Variants in TBX10 observed in about 807,000 individuals in gnomAD.
TBX10 encodes T-box transcription factor 10.
Under a neutral mutation model 32.4 loss-of-function variants are expected in TBX10, and 26 were observed. The observed-to-expected ratio is 0.80, with a 90% CI of 0.59 to 1.11. The LOEUF (loss-of-function observed/expected upper bound fraction) is 1.11, where lower values mean the gene tolerates loss of function less well. TBX10 is among the 50% of genes most tolerant of loss of function. The pLI is 0.00. For missense variants in TBX10, 490 were observed against 494.5 expected, an observed-to-expected ratio of 0.99 and a Z score of 0.09; for synonymous variants, 195 against 203.1, an observed-to-expected ratio of 0.96 and a Z score of 0.34.
upstream of TBX10, among the ~76,000 whole-genome samples, chr11:67,640,801 G>C (rs138591774): frequency 5.8e-3 from 877 of 152,292 alleles, 8 homozygotes; most frequent in African/African-American, 0.02. Context: ...CGGCAGGGCT[G>C]CTTCTCCCTG....
upstream of TBX10, among the ~76,000 whole-genome samples, chr11:67,641,377 C>T (rs1038997708): frequency 1.4e-4 from 22 of 152,358 alleles, 1 homozygote; most frequent in South Asian, 1.4e-3. Flanking sequence ...GGCGCACACA[C>T]GTACAGCTTC....
intron 1 of TBX10, among the ~76,000 whole-genome samples, chr11:67,638,159 G>A (rs1855356056): frequency 6.6e-6 from 1 of 151,964 alleles, no homozygotes; most frequent in African/African-American, 2.4e-5. Context: ...AGTGAGACAT[G>A]TTCACACCAC....
intron 1 of TBX10, among the ~76,000 whole-genome samples, chr11:67,636,038 A>C (rs897347648): frequency 2.6e-5 from 4 of 152,000 alleles, no homozygotes; most frequent in Non-Finnish European, 4.4e-5. Context: ...CAGAAAATAA[A>C]AAGTGTTGGT....
intron 1 of TBX10, among the ~76,000 whole-genome samples, chr11:67,638,963 G>T (rs1855368493): frequency 6.6e-6 from 1 of 152,196 alleles, no homozygotes; most frequent in Non-Finnish European, 1.5e-5. Context: ...TTTGCCGGTG[G>T]TCACTGGCTC....
Position 67,632,374 on chromosome 11 carries a change from C to T in TBX10, c.812G>A (p.Arg271Gln), listed in dbSNP as rs146079895. The change falls in exon 7 of 8, where the codon CGG (arginine) becomes CAG (glutamine). Residue 271 changes from arginine (R) to glutamine (Q), a missense_variant. Around this residue, in one of 3 missense-constraint regions of TBX10, gnomAD observed 177 missense variants for 176.6 expected, o/e 1.00. Coordinates refer to ENST00000335385, the MANE Select transcript of TBX10 (RefSeq NM_005995.5). ...APRPLLSVPA[R>Q]SHSSLSPCVL... is the part of the protein sequence containing the mutation. ...ACAGGGACTGAGGCTGCTGTGACTC[C>T]GGGCTGGGACACTGAGCAGGGGCCG... is the stretch of plus-strand genomic sequence containing the variant. 1.0e-4 allele frequency: 161 copies of T among 1,613,154 alleles called. No homozygotes were observed. Among genetic ancestry groups the T allele is most frequent in the Admixed American group, 1.2e-4 (7 of 60,028 alleles).
Position 67,632,371 on chromosome 11 carries a change from C to A in TBX10, c.815G>T (p.Ser272Ile). 1 of 1,613,248 alleles carries A rather than the reference C, an allele frequency of 6.2e-7. No homozygotes were observed. Among genetic ancestry groups the A allele is most frequent in the Non-Finnish European group, 8.5e-7 (1 of 1,180,022 alleles). ...PRPLLSVPAR[S>I]HSSLSPCVLK... Reference sequence around the variant, plus strand: ...CACACAGGGACTGAGGCTGCTGTGACTCCGGGCTGGGACACTGAGCAGGGG... The same window carrying A: ...CACACAGGGACTGAGGCTGCTGTGAATCCGGGCTGGGACACTGAGCAGGGG... The change falls in exon 7 of 8, where the codon AGT (serine) becomes ATT (isoleucine). Residue 272 changes from serine to isoleucine, a missense_variant. By Grantham distance (142) the Ser-to-Ile change is moderately radical. Transcript: ENST00000335385.
chr11:67,641,000 AG>A (rs1425653910), upstream of TBX10, among the ~76,000 whole-genome samples: 1 of 152,116 alleles, frequency 6.6e-6, no homozygotes, highest in African/African-American at 2.4e-5. Flanking sequence ...AAAGGCTGCC[AG>A]CACTTTGGAG....
At chr11:67,635,825 G>A (rs774363811) in intron 1 of TBX10, among the ~76,000 whole-genome samples, 92 of 152,172 alleles carry the variant, frequency 6.0e-4, no homozygotes, top group Non-Finnish European at 1.1e-3. Flanking sequence ...CCCGCCCAGA[G>A]CCTGCCTCCA....
chr11:67,635,348 C>G, intron 1 of TBX10, 85 bp from the exon 2 acceptor site: 1 of 1,575,536 alleles, frequency 6.3e-7, no homozygotes, highest in Non-Finnish European at 8.6e-7. Context: ...GCCTCTTCCT[C>G]CAGGAAGCCC....
At position 67,631,642 on chromosome 11, in the gene TBX10, G is replaced by T. The variant is rs756186322; in HGVS notation, c.1121C>A (p.Thr374Asn). Reference sequence around the variant, plus strand: ...CTGGCCAGGCCCCAGGCACACCACAGTGGGGGACAGGAGCCCCAGCCCAGC... The same window carrying T: ...CTGGCCAGGCCCCAGGCACACCACATTGGGGGACAGGAGCCCCAGCCCAGC... The part of the protein sequence containing the change: ...LPAGLGLLSP[T>N]VVCLGPGQDS... Residue 374 changes from threonine (T) to asparagine (N), a missense_variant, in exon 8 of 8, where the codon ACT becomes AAT. Around this residue, in one of 3 missense-constraint regions of TBX10, gnomAD observed 177 missense variants for 176.6 expected, o/e 1.00. Transcript: ENST00000335385. 2 of 1,604,472 alleles carry T rather than the reference G, an allele frequency of 1.2e-6. No individual in the cohort carries two copies. Among genetic ancestry groups the T allele is most frequent in the Non-Finnish European group, 1.7e-6 (2 of 1,177,864 alleles).
At chr11:67,634,459 C>A (rs910129756) in intron 3 of TBX10, 99 bp from the exon 4 acceptor site, 17 of 1,432,940 alleles carry the variant, frequency 1.2e-5, no homozygotes, top group Non-Finnish European at 1.4e-5. Flanking sequence ...CAACACTGCT[C>A]ACCCCACCTG....
In TBX10 at chr11:67,634,259, T is replaced by C; in HGVS notation, c.479A>G (p.Gln160Arg). 1.2e-6 allele frequency: 2 copies of C among 1,613,152 alleles called. No individual in the cohort carries two copies. The highest frequency in any genetic ancestry group is 1.7e-6 in the Non-Finnish European group (2 of 1,179,978). ...AAAGGACACAATCTGGCGCATCCAC[T>C]GGGCACCCTTGGCTGGCGAGTCGGG... is the stretch of plus-strand genomic sequence containing the variant. ...FHPDSPAKGA[Q>R]WMRQIVSFDK... Residue 160 changes from glutamine to arginine, a missense_variant, in exon 4 of 8, where the codon CAG (glutamine) becomes CGG (arginine). Around this residue, in one of 3 missense-constraint regions of TBX10, gnomAD observed 307 missense variants for 294.9 expected, o/e 1.04. Coordinates refer to ENST00000335385, the MANE Select transcript of TBX10 (RefSeq NM_005995.5).
At chr11:67,640,269 C>T (rs1284781197), upstream of TBX10, among the ~76,000 whole-genome samples, 2 of 152,254 alleles carry the variant, frequency 1.3e-5, no homozygotes, top group Non-Finnish European at 2.9e-5. Context: ...GGGAGCTGCG[C>T]AACGCTGGCA....
At chr11:67,641,666 G>C (rs566815430), upstream of TBX10, among the ~76,000 whole-genome samples, 206 of 152,294 alleles carry the variant, frequency 1.4e-3, 1 homozygote, top group African/African-American at 4.6e-3. Context: ...CACTGCGAGG[G>C]GACTCTGGAC....
At chr11:67,636,261 T>C (rs988632397) in intron 1 of TBX10, among the ~76,000 whole-genome samples, 2 of 150,828 alleles carry the variant, frequency 1.3e-5, no homozygotes, top group African/African-American at 4.9e-5. Context: ...TTTTTTTTTT[T>C]TTGTAGAGAT....
chr11:67,639,393 T>TGGC, intron 1 of TBX10, 73 bp downstream of exon 1: 10 of 726,890 alleles, frequency 1.4e-5, no homozygotes, highest in Middle Eastern at 3.0e-4. Context: ...CTGTCTTGGT[T>TGGC]CCCACCCTGC....
chr11:67,639,397 A>AT, intron 1 of TBX10, 69 bp downstream of exon 1: 1 of 381,860 alleles, frequency 2.6e-6, no homozygotes, highest in Non-Finnish European at 4.9e-6. Context: ...CTTGGTTCCC[A>AT]CCCTGCCCAC....
chr11:67,631,637 C>T lies in TBX10; in HGVS notation c.1126G>A (p.Val376Met). The T allele has an allele frequency of 6.2e-7, 1 of 1,603,946 alleles. No homozygotes were observed. Reference sequence around the variant, plus strand: ...GAGTCCTGGCCAGGCCCCAGGCACACCACAGTGGGGGACAGGAGCCCCAGC... The same window carrying T: ...GAGTCCTGGCCAGGCCCCAGGCACATCACAGTGGGGGACAGGAGCCCCAGC... Reference protein sequence around the residue: ...AGLGLLSPTVVCLGPGQDSQ With the variant: ...AGLGLLSPTVMCLGPGQDSQ The change falls in exon 8 of 8, where the codon GTG becomes ATG. Residue 376 changes from valine to methionine, a missense_variant. Val to Met is a conservative substitution (Grantham distance 21). Coordinates refer to ENST00000335385, the MANE Select transcript of TBX10 (RefSeq NM_005995.5).
chr11:67,635,191 C>G lies in TBX10; in HGVS notation c.80G>C (p.Trp27Ser), dbSNP rs1196052552. The G allele has an allele frequency of 5.6e-6, 9 of 1,613,770 alleles. No individual in the cohort carries two copies. The highest frequency in any genetic ancestry group is 7.6e-6 in the Non-Finnish European group (9 of 1,180,046). ...TYPLPTTSSG[W>S]EPRLGSPFPS... is the part of the protein sequence containing the mutation. ...GAATGGTGACCCCAGCCGGGGCTCCCAGCCAGAGCTGGTTGTAGGTAGGGG... is the reference window on the plus strand; with the variant it reads ...GAATGGTGACCCCAGCCGGGGCTCCGAGCCAGAGCTGGTTGTAGGTAGGGG... The change falls in exon 2 of 8, where the codon TGG (tryptophan) becomes TCG (serine). Residue 27 changes from tryptophan to serine, a missense_variant. Physicochemically the swap from Trp to Ser is radical, Grantham distance 177. This residue lies in a region of TBX10 where 307 missense variants were observed against 294.9 expected (regional missense o/e 1.04). Coordinates refer to ENST00000335385, the MANE Select transcript of TBX10 (RefSeq NM_005995.5).
Sources: allele counts gnomAD v4.1 joint callset (sites outside exome capture counted in the v4.1 genomes callset), GRCh38; gene constraint gnomAD v4.1.1; regional missense constraint gnomAD v4.1.1; transcripts MANE v1.5; gene names NCBI Gene and HGNC (gene_info 2026-07-23, HGNC 2026-07-21).